The following SLC12A5 variants were observed in gnomAD, a reference collection of about 807,000 sequenced individuals.
SLC12A5 encodes the protein solute carrier family 12 member 5.
In SLC12A5, 18 loss-of-function variants were observed where a neutral mutation model predicts 124.0. The ratio of observed to expected loss-of-function variants is 0.15; its 90% CI spans 0.10 to 0.22. SLC12A5 has a LOEUF of 0.22. SLC12A5 is among the 10% of genes least tolerant of loss of function. The probability of loss-of-function intolerance (pLI) is 1.00; values close to 1 mark genes in which losing one functional copy is unlikely to be tolerated. For synonymous variants in SLC12A5, 589 were observed against 568.0 expected (o/e 1.04, Z -0.53); for missense variants, 867 against 1,478.7 (o/e 0.59, Z 6.78).
In SLC12A5 at chr20:46,036,743, G is replaced by A. The variant is rs749462257; in HGVS notation, c.429G>A (p.Thr143=). The A allele has an allele frequency of 1.9e-6, 3 of 1,613,650 alleles. No individual in the cohort carries two copies. The highest frequency in any genetic ancestry group is 2.2e-5 in the South Asian group (2 of 91,064). ...TCTGATGATCTCTTTCCTCACAGAC[G>A]ATGCTCACGGCCATCTCCATGAGTG... is the stretch of plus-strand genomic sequence containing the variant. ...FCMVFICCSC[T]MLTAISMSAI... Residue 143 remains threonine (T), a splice_region_variant and synonymous_variant, in exon 5 of 26, where the codon ACG becomes ACA. Transcript: ENST00000243964.
Position 46,056,354 on chromosome 20 carries a change from T to A in SLC12A5, c.2911-11T>A. 2 of 1,608,756 alleles carry A rather than the reference T, an allele frequency of 1.2e-6. No homozygotes were observed. The highest frequency in any genetic ancestry group is 1.7e-6 in the Non-Finnish European group (2 of 1,176,812). Reference sequence around the variant, plus strand: ...AAGGACTCAACTGCCATCGCTTCATTCATCCCTCAGGTGCAGCTGATCCAC... The same window carrying A: ...AAGGACTCAACTGCCATCGCTTCATACATCCCTCAGGTGCAGCTGATCCAC... On this transcript the variant is annotated splice_polypyrimidine_tract_variant and intron_variant, in intron 22 of 25. Transcript: ENST00000243964. This position sits in a 1 kb window ranked among gnomAD's most constrained non-coding sequence, Gnocchi z 4.3.
chr20:46,043,758 AC>A, intron 10 of SLC12A5, 27 bp downstream of exon 10: 1 of 1,613,386 alleles, frequency 6.2e-7, no homozygotes, highest in Non-Finnish European at 8.5e-7. Context: ...TGCTGGGACC[AC>A]CCTCGGGGGA....
At chr20:46,046,018 C>T in intron 13 of SLC12A5, 22 bp downstream of exon 13, 2 of 1,602,208 alleles carry the variant, frequency 1.2e-6, no homozygotes, top group East Asian at 2.2e-5. Context: ...ACTTCTTGCC[C>T]TCCCCCCTGG....
chr20:46,044,545 G>A (rs535974125), intron 11 of SLC12A5, among the ~76,000 whole-genome samples: 1 of 152,168 alleles, frequency 6.6e-6, no homozygotes, highest in Non-Finnish European at 1.5e-5. Context: ...CAGGCAATGG[G>A]GAGCCAGGGT....
At chr20:46,044,057 G>C (rs1600597924) in intron 11 of SLC12A5, 124 bp downstream of exon 11, 1 of 806,004 alleles carries the variant, frequency 1.2e-6, no homozygotes, top group East Asian at 2.7e-5. Context: ...GGAGGCCACG[G>C]GGATTGCTTG....
At chr20:46,030,283 C>T (rs2084437227) in intron 1 of SLC12A5, among the ~76,000 whole-genome samples, 1 of 152,204 alleles carries the variant, frequency 6.6e-6, no homozygotes, top group Admixed American at 6.5e-5. Context: ...AAATGGGGTC[C>T]CAGTGGCTGA....
chr20:46,059,961 T>C lies in SLC12A5; in HGVS notation c.*2356T>C, dbSNP rs972879380. On this transcript the variant is annotated 3_prime_UTR_variant, in exon 26 of 26. Transcript: ENST00000243964. ...TTAGGCCTGCCTTTAATTTTCAGTGTAAGTGTTCAGTATGCCGCATCCTGC... is the reference window on the plus strand; with the variant it reads ...TTAGGCCTGCCTTTAATTTTCAGTGCAAGTGTTCAGTATGCCGCATCCTGC... 1 of 241,602 alleles carries C rather than the reference T, an allele frequency of 4.1e-6. No individual in the cohort carries two copies. Among genetic ancestry groups the C allele is most frequent in the Non-Finnish European group, 7.9e-6 (1 of 126,622 alleles). 15.0% of individuals were successfully genotyped at this position (241,602 alleles called of 1,614,324 possible). A position where few individuals can be genotyped will look rare whatever the true frequency, so the allele number is the denominator to read the frequency against.
chr20:46,040,701 C>A, intron 7 of SLC12A5, 87 bp downstream of exon 7: 2 of 1,558,026 alleles, frequency 1.3e-6, no homozygotes, highest in Non-Finnish European at 1.7e-6. Flanking sequence ...CCCCTCCCTG[C>A]CCCTCAGAAT....
Position 46,022,076 on chromosome 20 carries a change from A to T in SLC12A5, c.48+190A>T, listed in dbSNP as rs932360697. 95 of 276,166 alleles carry T rather than the reference A, an allele frequency of 3.4e-4. No homozygotes were observed. The East Asian group carries it at 3.9e-3, about 11-fold the overall frequency. 17.1% of individuals were successfully genotyped at this position (276,166 alleles called of 1,614,324 possible). On this transcript the variant is annotated intron_variant, in intron 1 of 2. Coordinates refer to the SLC12A5 transcript ENST00000413737. ...CGGGGCCGCGGAACGCAAAGTGTGG[A>T]GGGGGAGGGGCCAAACGCGAGGTGG...
intron 1 of SLC12A5, among the ~76,000 whole-genome samples, chr20:46,030,385 C>G (rs1206990260): frequency 6.6e-6 from 1 of 152,224 alleles, no homozygotes; most frequent in Admixed American, 6.5e-5. Flanking sequence ...AGTCCTTTCG[C>G]TGCTCCCGCT....
upstream of SLC12A5, among the ~76,000 whole-genome samples, chr20:46,024,644 G>A (rs1045501136): frequency 6.6e-6 from 1 of 152,204 alleles, no homozygotes; most frequent in Non-Finnish European, 1.5e-5. Flanking sequence ...AGTGGGGTTT[G>A]CCACTTGGGG....
At chr20:46,050,577 G>A (rs1033825050) in intron 17 of SLC12A5, among the ~76,000 whole-genome samples, 1 of 152,182 alleles carries the variant, frequency 6.6e-6, no homozygotes, top group Admixed American at 6.5e-5. Flanking sequence ...GATGGCTTGC[G>A]ACAGTCGCTG....
intron 4 of SLC12A5, 30 bp downstream of exon 4, chr20:46,035,953 CT>C (rs1568859146): frequency 1.3e-6 from 2 of 1,589,994 alleles, no homozygotes; most frequent in Non-Finnish European, 1.7e-6. Flanking sequence ...TCACCACCCC[CT>C]GACAGCTGGG....
chr20:46,030,938 C>T lies in SLC12A5; in HGVS notation c.52+1542C>T, dbSNP rs1015945851. On this transcript the variant is annotated intron_variant, in intron 1 of 25. Coordinates refer to ENST00000243964, the MANE Select transcript of SLC12A5 (RefSeq NM_020708.5). ...GGGATCACCTCATCCAGCATCCGCC[C>T]CCTCCCCCGCGGGCTTCTGGCCGGA... Among the ~76,000 whole-genome samples, 9 of 152,238 alleles carry T rather than the reference C, an allele frequency of 5.9e-5. 3 individuals are homozygous for T. Among genetic ancestry groups the T allele is most frequent in the Admixed American group, 5.9e-4 (9 of 15,308 alleles).
intron 1 of SLC12A5, 144 bp from the exon 2 acceptor site, chr20:46,034,804 A>G (rs1462846223): frequency 1.2e-5 from 9 of 725,798 alleles, no homozygotes; most frequent in Non-Finnish European, 2.2e-5. Flanking sequence ...GTCAACTGCA[A>G]CCCTGCAAGG....
At position 46,059,903 on chromosome 20, in the gene SLC12A5, CAA is replaced by C. The variant is rs1232639685; in HGVS notation, c.*2299_*2300del. ...AAATAGGAGAGGTTGCAAACCAAATCAAGAGTATTTATTACTATTACTGCTAT... is the reference window on the plus strand; with the variant it reads ...AAATAGGAGAGGTTGCAAACCAAATCGAGTATTTATTACTATTACTGCTAT... On this transcript the variant is annotated 3_prime_UTR_variant, in exon 26 of 26. Coordinates refer to ENST00000243964, the MANE Select transcript of SLC12A5 (RefSeq NM_020708.5). 29 of 353,008 alleles carry C rather than the reference CAA, an allele frequency of 8.2e-5. No homozygotes were observed. The highest frequency in any genetic ancestry group is 7.2e-4 in the Middle Eastern group (1 of 1,390). 21.9% of individuals were successfully genotyped at this position (353,008 alleles called of 1,614,324 possible). A position where few individuals can be genotyped will look rare whatever the true frequency, so the allele number is the denominator to read the frequency against.
chr20:46,044,068 CA>C, intron 11 of SLC12A5, 135 bp downstream of exon 11: 1 of 706,088 alleles, frequency 1.4e-6, no homozygotes, highest in Non-Finnish European at 2.3e-6. Context: ...GGATTGCTTG[CA>C]AAGTCATCTT....
At chr20:46,043,465 G>A (rs753532022) in intron 9 of SLC12A5, 142 bp downstream of exon 9, 2 of 1,261,404 alleles carry the variant, frequency 1.6e-6, no homozygotes, top group Non-Finnish European at 2.2e-6. Flanking sequence ...GGAGAGATGA[G>A]GGAATTAAGG....
Position 46,022,785 on chromosome 20 carries a change from G to C in SLC12A5, c.49-145G>C, listed in dbSNP as rs1158797270. 1.0e-5 allele frequency: 4 copies of C among 398,928 alleles called. No individual in the cohort carries two copies. The East Asian group carries it at 1.4e-4, about 14-fold the overall frequency. The allele number at this position is 398,928 out of a possible 1,614,324, so 24.7% of individuals were successfully genotyped here. On this transcript the variant is annotated intron_variant, in intron 1 of 2. Coordinates refer to the SLC12A5 transcript ENST00000413737. Reference sequence around the variant, plus strand: ...TACACGCAGGGCACAGAGTATAGGGGAGGGGAAAGATCCTTCTGGCCTTCG... The same window carrying C: ...TACACGCAGGGCACAGAGTATAGGGCAGGGGAAAGATCCTTCTGGCCTTCG...
Sources: gnomAD v4.1 joint callset for allele counts (sites outside exome capture counted in the v4.1 genomes callset) on GRCh38, gnomAD v4.1.1 for gene constraint, Gnocchi (gnomAD v3.1) non-coding constraint, MANE v1.5 for transcripts, NCBI Gene and HGNC (gene_info 2026-07-23, HGNC 2026-07-21) for gene names.